Variants in DBF4 observed in about 807,000 individuals in gnomAD.
DBF4 encodes protein DBF4 homolog A.
DBF4 carries 25 observed loss-of-function variants against 76.6 expected under a neutral mutation model. The observed-to-expected ratio is 0.33, with a 90% CI of 0.24 to 0.46. DBF4 has a LOEUF of 0.46. Ranked by LOEUF, DBF4 falls within the 20% of genes least tolerant of loss-of-function variation. The pLI, the probability that DBF4 is intolerant of heterozygous loss-of-function variation, is 1.00. For missense variants in DBF4, 638 were observed against 760.8 expected, an observed-to-expected ratio of 0.84 and a Z score of 1.90; for synonymous variants, 213 against 258.0, an observed-to-expected ratio of 0.83 and a Z score of 1.67.
intron 2 of DBF4, chr7:87,878,459 T>C: frequency 2.6e-6 from 1 of 379,882 alleles, no homozygotes; most frequent in Admixed American, 4.3e-5. Context: ...AGTGTAAGAC[T>C]CCCCTGTCCT....
intron 6 of DBF4, among the ~76,000 whole-genome samples, chr7:87,889,216 G>T (rs976390149): frequency 2.6e-5 from 4 of 151,966 alleles, no homozygotes; most frequent in Admixed American, 1.3e-4. Context: ...AGATCTTCTG[G>T]TTGACAGTAA....
At position 87,903,126 on chromosome 7, in the gene DBF4, A is replaced by G. The variant is rs555090717; in HGVS notation, c.925-1166A>G. ...GAGATGGAGTCTCGCTCTGTCACCC[A>G]GGCTGGAGTGCAGTGGTGCAATCTC... is the stretch of plus-strand genomic sequence containing the variant. On this transcript the variant is annotated intron_variant, in intron 10 of 11. Coordinates refer to ENST00000265728, the MANE Select transcript of DBF4 (RefSeq NM_006716.4). Among the ~76,000 whole-genome samples the G allele has an allele frequency of 4.6e-5, 7 of 152,334 alleles. No individual in the cohort carries two copies. In the East Asian group the frequency reaches 1.3e-3, roughly 29 times the overall value.
rs1200374738 is a variant in DBF4, at chr7:87,909,421, A to G, written c.*1258A>G. 2.6e-5 allele frequency: 4 copies of G among 152,236 alleles called. No individual in the cohort carries two copies. The highest frequency in any genetic ancestry group is 5.9e-5 in the Non-Finnish European group (4 of 68,048). The allele number at this position is 152,236 out of a possible 1,614,324, so 9.4% of individuals were successfully genotyped here. On this transcript the variant is annotated 3_prime_UTR_variant, in exon 12 of 12. Coordinates refer to ENST00000265728, the MANE Select transcript of DBF4 (RefSeq NM_006716.4). The stretch of plus-strand genomic sequence containing the variant: ...GATTCTCAGTACAGGACTAATTCAT[A>G]TGCTTTTCCTGCATACATTATTTTG...
At position 87,897,206 on chromosome 7, in the gene DBF4, A is replaced by AG. The variant is rs1239930976; in HGVS notation, c.635-85dup. On this transcript the variant is annotated intron_variant, in intron 7 of 11. Coordinates refer to ENST00000265728, the MANE Select transcript of DBF4 (RefSeq NM_006716.4). The stretch of plus-strand genomic sequence containing the variant: ...AGTGGATACATAGTTTTTTGTTTGG[A>AG]GGGTTTTGTTTTGCCACAGTAGTTT... 4 of 1,260,902 alleles carry AG rather than the reference A, an allele frequency of 3.2e-6. No homozygotes were observed. The African/African-American group carries it at 4.7e-5, about 15-fold the overall frequency. 78.1% of individuals were successfully genotyped at this position (1,260,902 alleles called of 1,614,324 possible).
chr7:87,879,556 T>G (rs1839160375), intron 2 of DBF4, among the ~76,000 whole-genome samples: 1 of 152,142 alleles, frequency 6.6e-6, no homozygotes, highest in Non-Finnish European at 1.5e-5. Flanking sequence ...AACAAAGTAC[T>G]TGAGGTCCAG....
rs117436259 is a variant in DBF4 at position 87,882,528 on chromosome 7, C to T, written c.220-2451C>T. Among the ~76,000 whole-genome samples the T allele has an allele frequency of 2.4e-3, 362 of 152,196 alleles. 13 individuals carry two copies. In the East Asian group the frequency reaches 0.063, roughly 26 times the overall value. The stretch of plus-strand genomic sequence containing the variant: ...AAGGACATTTTCAGGAGTGAAAGAA[C>T]GCACAGAATTGCAGGAAATCTTTGC... On this transcript the variant is annotated intron_variant, in intron 2 of 11. Coordinates refer to ENST00000265728, the MANE Select transcript of DBF4 (RefSeq NM_006716.4).
intron 8 of DBF4, among the ~76,000 whole-genome samples, chr7:87,897,880 C>G (rs1839680121): frequency 6.6e-6 from 1 of 151,264 alleles, no homozygotes; most frequent in Non-Finnish European, 1.5e-5. Context: ...CCGGTTCAAG[C>G]AATTCTCCTG....
chr7:87,896,279 T>C (rs1192757427), intron 6 of DBF4, 195 bp from the exon 7 acceptor site: 5 of 455,796 alleles, frequency 1.1e-5, no homozygotes, highest in Non-Finnish European at 1.9e-5. Context: ...AAATCAATTA[T>C]AGCTAGAATG....
intron 2 of DBF4, among the ~76,000 whole-genome samples, chr7:87,884,599 T>TA (rs1362104301): frequency 3.3e-5 from 5 of 152,238 alleles, no homozygotes; most frequent in African/African-American, 1.2e-4. Context: ...TTAACATATA[T>TA]AAAGTATTTA....
rs566662319 is a variant in DBF4 at position 87,906,339 on chromosome 7, T to A, written c.1050-849T>A. On this transcript the variant is annotated intron_variant, in intron 11 of 11. Transcript: ENST00000265728. The stretch of plus-strand genomic sequence containing the variant: ...GTTAGAGTAGTTTTTTTTTTTTTTT[T>A]TACATTTTTTTATTGCCCATTTGTT... Among the ~76,000 whole-genome samples the A allele has an allele frequency of 5.9e-5, 9 of 151,710 alleles. 1 individual carries two copies. The South Asian group carries it at 1.9e-3, about 31-fold the overall frequency.
intron 8 of DBF4, among the ~76,000 whole-genome samples, chr7:87,897,617 G>T (rs950530763): frequency 1.3e-5 from 2 of 152,156 alleles, no homozygotes; most frequent in African/African-American, 4.8e-5. Flanking sequence ...CTGGCTAAAT[G>T]CAGTACCAAA....
In DBF4 at chr7:87,907,903, A is replaced by G; in HGVS notation, c.1765A>G (p.Asn589Asp). Residue 589 changes from asparagine (N) to aspartate (D), a missense_variant, in exon 12 of 12, where the codon AAT becomes GAT. By Grantham distance (23) the Asn-to-Asp change is conservative. Transcript: ENST00000265728. Reference protein sequence around the residue: ...KIILGRNRKENLEPNAEFDKR... With the variant: ...KIILGRNRKEDLEPNAEFDKR... ...AATATTAGGACGAAATAGAAAAGAA[A>G]ATCTGGAACCAAATGCTGAATTTGA... is the stretch of plus-strand genomic sequence containing the variant. 3.7e-6 allele frequency: 6 copies of G among 1,612,838 alleles called. No individual in the cohort carries two copies. The highest frequency in any genetic ancestry group is 5.1e-6 in the Non-Finnish European group (6 of 1,179,760).
chr7:87,887,985 A>G lies in DBF4; in HGVS notation c.523A>G (p.Ile175Val). The G allele has an allele frequency of 1.9e-6, 3 of 1,548,450 alleles. No individual in the cohort carries two copies. Among genetic ancestry groups the G allele is most frequent in the Non-Finnish European group, 2.6e-6 (3 of 1,148,654 alleles). The change falls in exon 6 of 12, where the codon ATT becomes GTT. Residue 175 changes from isoleucine (I) to valine (V), a missense_variant and splice_region_variant. Ile to Val is a conservative substitution (Grantham distance 29, BLOSUM62 3). Coordinates refer to ENST00000265728, the MANE Select transcript of DBF4 (RefSeq NM_006716.4). ...AAACCTTCTTTCTTTTAATAAAGACATTAGATACTACATTGAACAAAAGAA... is the reference window on the plus strand; with the variant it reads ...AAACCTTCTTTCTTTTAATAAAGACGTTAGATACTACATTGAACAAAAGAA... Reference protein sequence around the residue: ...WGVKILHIDDIRYYIEQKKKE... With the variant: ...WGVKILHIDDVRYYIEQKKKE...
rs1367753066 is a variant in DBF4, at chr7:87,901,064, GCAAA to G, written c.924+189_924+192del. Among the ~76,000 whole-genome samples, 8 of 152,134 alleles carry G rather than the reference GCAAA, an allele frequency of 5.3e-5. No individual in the cohort carries two copies. The East Asian group carries it at 1.5e-3, about 29-fold the overall frequency. The stretch of plus-strand genomic sequence containing the variant: ...TACTACATACTGATCACTACTCTGG[GCAAA>G]CAGCATTGAACAAAACAGACTTAAT... On this transcript the variant is annotated intron_variant, in intron 10 of 11. Coordinates refer to ENST00000265728, the MANE Select transcript of DBF4 (RefSeq NM_006716.4).
At chr7:87,902,035 A>G (rs1839802996) in intron 10 of DBF4, among the ~76,000 whole-genome samples, 1 of 152,242 alleles carries the variant, frequency 6.6e-6, no homozygotes, top group Admixed American at 6.5e-5. Flanking sequence ...AAGCTAAAGT[A>G]TCTCAGAAAT....
intron 6 of DBF4, among the ~76,000 whole-genome samples, chr7:87,893,741 T>C (rs565263017): frequency 2.6e-5 from 4 of 152,340 alleles, no homozygotes; most frequent in African/African-American, 7.2e-5. Flanking sequence ...CTTGCAGATA[T>C]TGTCTTTTTC....
At chr7:87,900,135 A>T in intron 8 of DBF4, 86 bp from the exon 9 acceptor site, 1 of 1,132,040 alleles carries the variant, frequency 8.8e-7, no homozygotes, top group Non-Finnish European at 1.3e-6. Flanking sequence ...ATTCCAGCTT[A>T]ATTATATGAT....
At chr7:87,892,991 T>C (rs1253832066) in intron 6 of DBF4, among the ~76,000 whole-genome samples, 1 of 152,224 alleles carries the variant, frequency 6.6e-6, no homozygotes, top group Non-Finnish European at 1.5e-5. Flanking sequence ...AAAATGTATA[T>C]TCTGCTGTGG....
At chr7:87,888,731 C>G (rs1034084054) in intron 6 of DBF4, among the ~76,000 whole-genome samples, 3 of 152,206 alleles carry the variant, frequency 2.0e-5, no homozygotes, top group Non-Finnish European at 4.4e-5. Flanking sequence ...ACTTTTCAAC[C>G]TACAAGGTAT....
Sources: allele counts gnomAD v4.1 joint callset (sites outside exome capture counted in the v4.1 genomes callset), GRCh38; gene constraint gnomAD v4.1.1; transcripts MANE v1.5; gene names NCBI Gene and HGNC (gene_info 2026-07-23, HGNC 2026-07-21).